ADCY5: variants seen among roughly 807,000 people sequenced by gnomAD.
ADCY5 encodes adenylate cyclase 5.
In ADCY5, 30 loss-of-function variants were observed where a neutral mutation model predicts 119.7. The observed-to-expected ratio is 0.25, with a 90% CI of 0.19 to 0.34. The LOEUF (loss-of-function observed/expected upper bound fraction) is 0.34. Among genes scored for constraint, ADCY5 ranks in the 10% least tolerant of loss-of-function variants. The pLI is 1.00. For missense variants in ADCY5, 1,324 were observed against 1,775.2 expected (o/e 0.75, Z 4.57); for synonymous variants, 753 against 762.2 (o/e 0.99, Z 0.20).
At chr3:123,336,530 G>C (rs1030181951) in intron 3 of ADCY5, among the ~76,000 whole-genome samples, 1 of 152,204 alleles carries the variant, frequency 6.6e-6, no homozygotes, top group African/African-American at 2.4e-5. Flanking sequence ...AGATGCCCCC[G>C]GGGTAGGAAG....
intron 6 of ADCY5, 27 bp from the exon 7 acceptor site, chr3:123,327,786 A>C: frequency 6.2e-7 from 1 of 1,612,120 alleles, no homozygotes; most frequent in Non-Finnish European, 8.5e-7. Flanking sequence ...ATCAGGGTGG[A>C]GAGGGCAGAA....
intron 1 of ADCY5, among the ~76,000 whole-genome samples, chr3:123,355,497 C>T (rs998100662): frequency 1.3e-5 from 2 of 152,106 alleles, no homozygotes; most frequent in Non-Finnish European, 2.9e-5. Context: ...TGTACTATGA[C>T]ATTTTATATA....
chr3:123,328,196 G>A (rs1247513378), intron 6 of ADCY5, among the ~76,000 whole-genome samples: 1 of 152,152 alleles, frequency 6.6e-6, no homozygotes, highest in Non-Finnish European at 1.5e-5. Context: ...CCATTCCTTG[G>A]AAATGCTGTG....
In ADCY5 at chr3:123,446,166, G is replaced by A. The variant is rs147001795; in HGVS notation, c.1134+1246C>T. 1.7e-4 allele frequency among the ~76,000 whole-genome samples: 26 copies of A among 152,270 alleles called. No individual in the cohort carries two copies. In the East Asian group the frequency reaches 5.0e-3, roughly 29 times the overall value. On this transcript the variant is annotated intron_variant, in intron 1 of 20. Transcript: ENST00000462833. ...AGGTTCAGCTAGAGCCCAGAGCCCT[G>A]AAACCCATAACAGTGCTATTCTCTA...
chr3:123,314,218 C>T lies in ADCY5; in HGVS notation c.2442+17G>A. The T allele has an allele frequency of 6.2e-7, 1 of 1,601,596 alleles. No individual in the cohort carries two copies. Among genetic ancestry groups the T allele is most frequent in the Non-Finnish European group, 8.5e-7 (1 of 1,169,718 alleles). On this transcript the variant is annotated intron_variant, in intron 12 of 20. Coordinates refer to ENST00000462833, the MANE Select transcript of ADCY5 (RefSeq NM_183357.3). Reference sequence around the variant, plus strand: ...CGGGAAGAAGGTGGCTGCAACCCAGCTGTCAGCTACACTCACCTTTACGCA... The same window carrying T: ...CGGGAAGAAGGTGGCTGCAACCCAGTTGTCAGCTACACTCACCTTTACGCA...
intron 1 of ADCY5, among the ~76,000 whole-genome samples, chr3:123,426,690 T>C (rs1945422609): frequency 1.3e-5 from 2 of 152,094 alleles, no homozygotes; most frequent in Admixed American, 1.3e-4. Context: ...ACAGAAGAGT[T>C]AAGTACATAC....
chr3:123,372,263 C>A (rs1943668577), intron 1 of ADCY5, among the ~76,000 whole-genome samples: 1 of 152,106 alleles, frequency 6.6e-6, no homozygotes, highest in Non-Finnish European at 1.5e-5. Context: ...GCCCCAGGGA[C>A]CCCCTCACCT....
At chr3:123,362,210 A>G (rs895513328) in intron 1 of ADCY5, among the ~76,000 whole-genome samples, 21 of 152,008 alleles carry the variant, frequency 1.4e-4, no homozygotes, top group African/African-American at 4.8e-4. Flanking sequence ...TCACACGGCA[A>G]CTCTATGTTA....
intron 17 of ADCY5, among the ~76,000 whole-genome samples, chr3:123,294,416 T>A (rs1280567775): frequency 6.6e-6 from 1 of 152,166 alleles, no homozygotes; most frequent in African/African-American, 2.4e-5. Flanking sequence ...GACATGACAG[T>A]GGAGAAATCT....
rs57105101 is a variant in ADCY5 at position 123,359,331 on chromosome 3, A to AATATATATATATATATATATAT, written c.1135-6772_1135-6751dup. On this transcript the variant is annotated intron_variant, in intron 1 of 20. Coordinates refer to ENST00000462833, the MANE Select transcript of ADCY5 (RefSeq NM_183357.3). ...AATATTTGGGACCTACTTATACTAAAATATATATATATATATATATATATA... is the reference window on the plus strand; with the variant it reads ...AATATTTGGGACCTACTTATACTAAAATATATATATATATATATATATATATATATATATATATATATATATA... Among the ~76,000 whole-genome samples the AATATATATATATATATATATAT allele has an allele frequency of 8.9e-3, 971 of 109,380 alleles. 19 individuals are homozygous for AATATATATATATATATATATAT. Among genetic ancestry groups the AATATATATATATATATATATAT allele is most frequent in the Non-Finnish European group, 0.01 (566 of 54,604 alleles). The allele number at this position is 109,380 out of a possible 152,430, so 71.8% of individuals were successfully genotyped here. A position where few individuals can be genotyped will look rare whatever the true frequency, so the allele number is the denominator to read the frequency against.
intron 1 of ADCY5, 85 bp downstream of exon 1, chr3:123,447,327 G>A: frequency 2.2e-6 from 3 of 1,358,838 alleles, no homozygotes; most frequent in South Asian, 3.1e-5. Context: ...CATTCGAAAG[G>A]GTGAGGGTGG....
intron 11 of ADCY5, among the ~76,000 whole-genome samples, chr3:123,315,646 G>A (rs1365050646): frequency 6.6e-6 from 1 of 152,070 alleles, no homozygotes; most frequent in African/African-American, 2.4e-5. Context: ...TGTGATCTCG[G>A]CTCACTGCAA....
chr3:123,386,358 C>T (rs1439690997), intron 1 of ADCY5, among the ~76,000 whole-genome samples: 1 of 152,226 alleles, frequency 6.6e-6, no homozygotes, highest in South Asian at 2.1e-4. Context: ...CTCCAGGGAT[C>T]CTATCTTCCA....
rs1402207254 is a variant in ADCY5 at position 123,448,867 on chromosome 3, G to C, written c.-322C>G. On this transcript the variant is annotated 5_prime_UTR_variant, in exon 1 of 21. Transcript: ENST00000462833. Reference sequence around the variant, plus strand: ...AGAGACGTCCGGGATCCTGGCTCGCGTCGAGCTCGACGAGGGCCGGAGTTG... The same window carrying C: ...AGAGACGTCCGGGATCCTGGCTCGCCTCGAGCTCGACGAGGGCCGGAGTTG... 2 of 265,936 alleles carry C rather than the reference G, an allele frequency of 7.5e-6. No individual in the cohort carries two copies. Among genetic ancestry groups the C allele is most frequent in the Non-Finnish European group, 1.4e-5 (2 of 141,494 alleles). The allele number at this position is 265,936 out of a possible 1,614,324, so 16.5% of individuals were successfully genotyped here.
intron 3 of ADCY5, among the ~76,000 whole-genome samples, chr3:123,336,110 G>A (rs1002942818): frequency 1.3e-5 from 2 of 152,188 alleles, no homozygotes; most frequent in African/African-American, 2.4e-5. Context: ...TCTCATGCCC[G>A]GTATCTGGTG....
chr3:123,296,469 C>T (rs1026200808), intron 16 of ADCY5, among the ~76,000 whole-genome samples: 1 of 152,198 alleles, frequency 6.6e-6, no homozygotes, highest in South Asian at 2.1e-4. Flanking sequence ...GCCTTACAAC[C>T]CCCCATCACT....
intron 6 of ADCY5, 79 bp downstream of exon 6, chr3:123,328,565 C>T (rs1302717467): frequency 6.5e-7 from 1 of 1,543,176 alleles, no homozygotes; most frequent in Admixed American, 1.7e-5. Flanking sequence ...CCCGCCTCGC[C>T]TCTGCAGGAT....
rs181426377 is a variant in ADCY5, at chr3:123,376,555, G to A, written c.1135-23974C>T. Among the ~76,000 whole-genome samples, 4 of 152,254 alleles carry A rather than the reference G, an allele frequency of 2.6e-5. No individual in the cohort carries two copies. The East Asian group carries it at 7.8e-4, about 30-fold the overall frequency. ...TCCTAGAGGTCTCACCCCACTCAGGGCCTCAGGACACTGTCTGCTGAGTGG... is the reference window on the plus strand; with the variant it reads ...TCCTAGAGGTCTCACCCCACTCAGGACCTCAGGACACTGTCTGCTGAGTGG... On this transcript the variant is annotated intron_variant, in intron 1 of 20. Coordinates refer to ENST00000462833, the MANE Select transcript of ADCY5 (RefSeq NM_183357.3).
intron 1 of ADCY5, among the ~76,000 whole-genome samples, chr3:123,399,072 C>A (rs753191498): frequency 9.9e-5 from 15 of 152,230 alleles, no homozygotes; most frequent in Non-Finnish European, 2.1e-4. Context: ...CAGCCCCGCA[C>A]TGGCTTCTCT....
Sources: gnomAD v4.1 joint callset for allele counts (sites outside exome capture counted in the v4.1 genomes callset) on GRCh38, gnomAD v4.1.1 for gene constraint, MANE v1.5 for transcripts, NCBI Gene and HGNC (gene_info 2026-07-23, HGNC 2026-07-21) for gene names.